Variants in EPM2A observed in about 807,000 individuals in gnomAD.
The protein encoded by EPM2A is laforin.
A neutral mutation model predicts 26.5 loss-of-function variants in EPM2A; 21 were observed. The observed-to-expected ratio is 0.79, with a 90% CI of 0.56 to 1.14. The LOEUF (loss-of-function observed/expected upper bound fraction) is 1.14, where lower values mean the gene tolerates loss of function less well. Ranked by LOEUF, EPM2A falls within the 50% of genes most tolerant of loss-of-function variation. EPM2A has a pLI of 0.00. For synonymous variants in EPM2A, 217 were observed against 177.6 expected (o/e 1.22, Z -1.76); for missense variants, 458 against 440.8 (o/e 1.04, Z -0.35).
intron 1 of EPM2A, among the ~76,000 whole-genome samples, chr6:145,699,168 G>A (rs1400913626): frequency 6.6e-6 from 1 of 152,142 alleles, no homozygotes; most frequent in Non-Finnish European, 1.5e-5. Flanking sequence ...GGTAATAAAT[G>A]AAGTTTAAAA....
chr6:145,662,020 G>C (rs2128588697), intron 2 of EPM2A, among the ~76,000 whole-genome samples: 1 of 152,244 alleles, frequency 6.6e-6, no homozygotes, highest in Non-Finnish European at 1.5e-5. Context: ...AGATTATTCA[G>C]AGTAAAATTT....
chr6:145,490,162 T>C, intron 4 of EPM2A: 1 of 1,050,168 alleles, frequency 9.5e-7, no homozygotes. Context: ...CTGAAAGAAC[T>C]TCTTCCATTA....
At chr6:145,559,753 T>G (rs890812790) in intron 2 of EPM2A, among the ~76,000 whole-genome samples, 1 of 151,462 alleles carries the variant, frequency 6.6e-6, no homozygotes, top group African/African-American at 2.4e-5. Context: ...GATACCAACT[T>G]TGTAAGATGC....
chr6:145,484,854 C>T (rs1026892058), intron 4 of EPM2A, among the ~76,000 whole-genome samples: 24 of 151,336 alleles, frequency 1.6e-4, no homozygotes, highest in Non-Finnish European at 4.4e-5. Flanking sequence ...TGGCTATATC[C>T]AGTGATAAAG....
intron 1 of EPM2A, among the ~76,000 whole-genome samples, chr6:145,727,738 C>A (rs956077551): frequency 6.6e-6 from 1 of 152,178 alleles, no homozygotes; most frequent in Non-Finnish European, 1.5e-5. Flanking sequence ...TTGTTAGCTG[C>A]CTACCTAAAA....
intron 4 of EPM2A, among the ~76,000 whole-genome samples, chr6:145,402,256 C>T (rs1052244888): frequency 6.6e-6 from 1 of 152,082 alleles, no homozygotes; most frequent in Non-Finnish European, 1.5e-5. Context: ...CATAGCATGA[C>T]TTCTGTGGAA....
intron 2 of EPM2A, among the ~76,000 whole-genome samples, chr6:145,647,675 G>T (rs1236710113): frequency 6.6e-6 from 1 of 151,866 alleles, no homozygotes; most frequent in Non-Finnish European, 1.5e-5. Flanking sequence ...AAGGAAGGAA[G>T]GCAGGAAGGA....
chr6:145,702,647 C>G (rs529859151), intron 1 of EPM2A, among the ~76,000 whole-genome samples: 2 of 152,168 alleles, frequency 1.3e-5, no homozygotes, highest in African/African-American at 4.8e-5. Flanking sequence ...CTAGTCTTTG[C>G]AAAACTGTAC....
Position 145,625,913 on chromosome 6 carries a change from A to C in EPM2A, c.*1503T>G. On this transcript the variant is annotated 3_prime_UTR_variant, in exon 4 of 4. Coordinates refer to ENST00000367519, the MANE Select transcript of EPM2A (RefSeq NM_005670.4). Reference sequence around the variant, plus strand: ...GAAAAATAAATACGCATCATAGTTTAATTAGGAAAGTAAGGGCTTTGAATC... The same window carrying C: ...GAAAAATAAATACGCATCATAGTTTCATTAGGAAAGTAAGGGCTTTGAATC... 1 of 1,426,570 alleles carries C rather than the reference A, an allele frequency of 7.0e-7. No homozygotes were observed. The highest frequency in any genetic ancestry group is 9.2e-7 in the Non-Finnish European group (1 of 1,086,388). The allele number at this position is 1,426,570 out of a possible 1,614,324, so 88.4% of individuals were successfully genotyped here. A position where few individuals can be genotyped will look rare whatever the true frequency, so the allele number is the denominator to read the frequency against.
At chr6:145,687,214 C>T (rs984941417) in intron 1 of EPM2A, among the ~76,000 whole-genome samples, 4 of 151,930 alleles carry the variant, frequency 2.6e-5, no homozygotes, top group African/African-American at 9.7e-5. Context: ...ATGTGATTAG[C>T]TCCCTTATAA....
intron 2 of EPM2A, among the ~76,000 whole-genome samples, chr6:145,578,697 C>T (rs1781070317): frequency 6.6e-6 from 1 of 152,122 alleles, no homozygotes; most frequent in Non-Finnish European, 1.5e-5. Flanking sequence ...AAAACAAATA[C>T]TTTATCAAGG....
chr6:145,592,295 A>T (rs1781284754), intron 2 of EPM2A, among the ~76,000 whole-genome samples: 1 of 151,738 alleles, frequency 6.6e-6, no homozygotes, highest in Admixed American at 6.6e-5. Context: ...TCTGCTCAGA[A>T]TGATGGCTTC....
intron 2 of EPM2A, among the ~76,000 whole-genome samples, chr6:145,566,522 C>T (rs1279853054): frequency 1.3e-5 from 2 of 152,172 alleles, no homozygotes; most frequent in Admixed American, 6.5e-5. Context: ...GAACAGTAGT[C>T]TCAATTGTCT....
intron 4 of EPM2A, among the ~76,000 whole-genome samples, chr6:145,456,655 G>GA (rs1054535114): frequency 6.6e-6 from 1 of 152,030 alleles, no homozygotes; most frequent in Non-Finnish European, 1.5e-5. Context: ...CTAAACAGAG[G>GA]AAAAAATTAA....
At chr6:145,421,454 T>C (rs914287456) in intron 4 of EPM2A, among the ~76,000 whole-genome samples, 7 of 152,112 alleles carry the variant, frequency 4.6e-5, no homozygotes, top group South Asian at 2.1e-4. Context: ...TATGTATTTG[T>C]ATACCTTTGT....
intron 2 of EPM2A, among the ~76,000 whole-genome samples, chr6:145,550,334 G>A (rs1170870806): frequency 6.6e-6 from 1 of 151,960 alleles, no homozygotes; most frequent in African/African-American, 2.4e-5. Context: ...CCTTTAAGTA[G>A]CCTATATCCT....
chr6:145,398,390 T>C (rs1209918461), intron 4 of EPM2A, among the ~76,000 whole-genome samples: 1 of 152,214 alleles, frequency 6.6e-6, no homozygotes, highest in African/African-American at 2.4e-5. Flanking sequence ...TGTCTCTTTT[T>C]TTTTCTTTTA....
At chr6:145,722,849 A>C in intron 1 of EPM2A, 1 of 415,712 alleles carries the variant, frequency 2.4e-6, no homozygotes, top group Non-Finnish European at 4.7e-6. Flanking sequence ...GGCAGGGAGA[A>C]GATAGCCATC....
rs1776427175 is a variant in EPM2A, at chr6:145,730,405, T to C, written c.301+4793A>G. On this transcript the variant is annotated intron_variant, in intron 1 of 3. Transcript: ENST00000367519. Reference sequence around the variant, plus strand: ...CTTATTCCACTAAATGCACATGTGATGAACAGAGCTGCAGCAGCCATCTTG... The same window carrying C: ...CTTATTCCACTAAATGCACATGTGACGAACAGAGCTGCAGCAGCCATCTTG... Among the ~76,000 whole-genome samples the C allele has an allele frequency of 2.0e-5, 3 of 152,228 alleles. No homozygotes were observed. In the South Asian group the frequency reaches 6.2e-4, roughly 31 times the overall value.
Sources: gnomAD v4.1 joint callset for allele counts (sites outside exome capture counted in the v4.1 genomes callset) on GRCh38, gnomAD v4.1.1 for gene constraint, MANE v1.5 for transcripts, NCBI Gene and HGNC (gene_info 2026-07-23, HGNC 2026-07-21) for gene names.